The following USH2A variants were observed in gnomAD, a reference collection of about 807,000 sequenced individuals.
USH2A encodes the protein Usher syndrome 2A (autosomal recessive, mild).
USH2A carries 443 observed loss-of-function variants against 538.9 expected under a neutral mutation model. The ratio of observed to expected loss-of-function variants is 0.82; its 90% CI spans 0.76 to 0.89. The LOEUF is 0.89. Among genes scored for constraint, USH2A ranks in the 40% least tolerant of loss-of-function variants. USH2A has a pLI of 0.00. For synonymous variants in USH2A, 2,413 were observed against 2,273.5 expected, an observed-to-expected ratio of 1.06 and a Z score of -1.75; for missense variants, 6,633 against 6,324.8, an observed-to-expected ratio of 1.05 and a Z score of -1.65.
chr1:215,698,304 A>G (rs769311060), intron 61 of USH2A, among the ~76,000 whole-genome samples: 26 of 152,294 alleles, frequency 1.7e-4, no homozygotes, highest in Admixed American at 1.3e-3. Context: ...GTGTCTTTAT[A>G]CTAGAATGAT....
At chr1:215,884,751 C>T (rs1252233745) in intron 41 of USH2A, among the ~76,000 whole-genome samples, 1 of 152,134 alleles carries the variant, frequency 6.6e-6, no homozygotes, top group Non-Finnish European at 1.5e-5. Flanking sequence ...TTTTACTTTG[C>T]TTTATTATCA....
At chr1:215,740,514 T>C (rs922763672) in intron 60 of USH2A, among the ~76,000 whole-genome samples, 1 of 152,190 alleles carries the variant, frequency 6.6e-6, no homozygotes, top group Non-Finnish European at 1.5e-5. Flanking sequence ...ATCTAACCAG[T>C]GGAGTGGAGG....
intron 21 of USH2A, among the ~76,000 whole-genome samples, chr1:216,137,897 T>A (rs2033517239): frequency 6.6e-6 from 1 of 152,162 alleles, no homozygotes; most frequent in Admixed American, 6.5e-5. Flanking sequence ...AAGTTTTCAA[T>A]GTGGATGCAT....
At chr1:216,224,760 A>G (rs659875) in intron 14 of USH2A, among the ~76,000 whole-genome samples, 29,415 of 152,126 alleles carry the variant, frequency 0.19, 3,186 homozygotes, top group Non-Finnish European at 0.25. Context: ...CAAATAGAGC[A>G]TGAAGAAGGT....
chr1:216,141,355 G>A (rs2033599224), intron 21 of USH2A, among the ~76,000 whole-genome samples: 1 of 152,128 alleles, frequency 6.6e-6, no homozygotes, highest in Non-Finnish European at 1.5e-5. Context: ...GGGCTCCCTG[G>A]GGAAGGCTGG....
chr1:216,266,470 G>A (rs575339090), intron 11 of USH2A, among the ~76,000 whole-genome samples: 40 of 152,066 alleles, frequency 2.6e-4, no homozygotes, highest in African/African-American at 9.2e-4. Flanking sequence ...TTATATTATC[G>A]GTTGCCTGTA....
At chr1:216,034,631 G>A (rs1669203236) in intron 32 of USH2A, among the ~76,000 whole-genome samples, 1 of 152,084 alleles carries the variant, frequency 6.6e-6, no homozygotes, top group Non-Finnish European at 1.5e-5. Context: ...AATGATACAA[G>A]CAGAGATTGG....
At chr1:215,954,576 AG>A (rs1465361146) in intron 37 of USH2A, among the ~76,000 whole-genome samples, 2 of 62,992 alleles carry the variant, frequency 3.2e-5, no homozygotes, top group Non-Finnish European at 5.7e-5. Flanking sequence ...GGGTGGGGGG[AG>A]GGGGGAGGGA....
chr1:215,717,574 C>T lies in USH2A; in HGVS notation c.12066+10456G>A, dbSNP rs552574614. On this transcript the variant is annotated intron_variant, in intron 61 of 71. Transcript: ENST00000307340. ...TCTTATTGTTTCTCCAAATACACGA[C>T]GAGTTTCAGAGAGAAAAGACTATTT... 5.4e-4 allele frequency among the ~76,000 whole-genome samples: 82 copies of T among 152,214 alleles called. 1 individual carries two copies. The highest frequency in any genetic ancestry group is 3.4e-3 in the Middle Eastern group (1 of 294).
chr1:215,989,879 T>C (rs60844212), intron 35 of USH2A, among the ~76,000 whole-genome samples: 4,219 of 152,104 alleles, frequency 0.028, 199 homozygotes, highest in African/African-American at 0.097. Context: ...GAAAATGTAG[T>C]AAATACCCAG....
chr1:216,295,533 G>T (rs1411694321), intron 9 of USH2A, among the ~76,000 whole-genome samples: 1 of 151,710 alleles, frequency 6.6e-6, no homozygotes, highest in Non-Finnish European at 1.5e-5. Flanking sequence ...TTCTCATTTT[G>T]CATACACACT....
intron 11 of USH2A, among the ~76,000 whole-genome samples, chr1:216,280,287 A>G (rs2036748511): frequency 6.6e-6 from 1 of 152,146 alleles, no homozygotes; most frequent in Non-Finnish European, 1.5e-5. Context: ...CAGCCTGTTC[A>G]TAAGATAGAC....
intron 35 of USH2A, among the ~76,000 whole-genome samples, chr1:215,991,850 T>C (rs989530636): frequency 1.3e-5 from 2 of 152,206 alleles, no homozygotes; most frequent in Admixed American, 1.3e-4. Flanking sequence ...AAATAAATCA[T>C]TAACATTTTC....
At chr1:216,058,726 G>C (rs1406631740) in intron 30 of USH2A, among the ~76,000 whole-genome samples, 11 of 152,128 alleles carry the variant, frequency 7.2e-5, no homozygotes, top group Non-Finnish European at 1.6e-4. Context: ...AAAGACTGAG[G>C]AGACTTTAGT....
chr1:215,727,422 C>A, intron 61 of USH2A, among the ~76,000 whole-genome samples: 1 of 152,028 alleles, frequency 6.6e-6, no homozygotes, highest in East Asian at 1.9e-4. Context: ...AAATGGAAAT[C>A]AAGACTAAAT....
chr1:215,660,960 A>G (rs1250439547), intron 64 of USH2A, among the ~76,000 whole-genome samples: 2 of 152,214 alleles, frequency 1.3e-5, no homozygotes, highest in African/African-American at 4.8e-5. Flanking sequence ...AGATTGCTTC[A>G]TATATCCTGA....
intron 46 of USH2A, among the ~76,000 whole-genome samples, chr1:215,843,083 G>C (rs1002220794): frequency 2.0e-5 from 3 of 152,074 alleles, no homozygotes; most frequent in African/African-American, 7.2e-5. Context: ...GTCAGAGTAG[G>C]GGAGACTAAA....
At position 216,062,528 on chromosome 1, in the gene USH2A, A is replaced by G. The variant is rs1260380828; in HGVS notation, c.6049+7573T>C. ...AAAGGTAACTATGAATTCATTGAACACTCACTATGTGCCTGTTTCTGAGCA... is the reference window on the plus strand; with the variant it reads ...AAAGGTAACTATGAATTCATTGAACGCTCACTATGTGCCTGTTTCTGAGCA... On this transcript the variant is annotated intron_variant, in intron 30 of 71. Transcript: ENST00000307340. Among the ~76,000 whole-genome samples, 5 of 152,146 alleles carry G rather than the reference A, an allele frequency of 3.3e-5. No homozygotes were observed. In the East Asian group the frequency reaches 7.7e-4, roughly 23 times the overall value.
In USH2A at chr1:216,289,345, C is replaced by T. The variant is rs770818317; in HGVS notation, c.1906G>A (p.Asp636Asn). 1 of 1,613,992 alleles carries T rather than the reference C, an allele frequency of 6.2e-7. No homozygotes were observed. The highest frequency in any genetic ancestry group is 1.3e-5 in the African/African-American group (1 of 75,042). ...RQVGADPSAI[D>N]VCKPCDCDTV... ...TCACAGTCACAGGGTTTGCAAACATCTATGGCCGAAGGATCTGCACCAACT... is the reference window on the plus strand; with the variant it reads ...TCACAGTCACAGGGTTTGCAAACATTTATGGCCGAAGGATCTGCACCAACT... The change falls in exon 11 of 72, where the codon GAT becomes AAT. Residue 636 changes from aspartate (D) to asparagine (N), a missense_variant. Coordinates refer to ENST00000307340, the MANE Select transcript of USH2A (RefSeq NM_206933.4).
Sources: gnomAD v4.1 joint callset for allele counts (sites outside exome capture counted in the v4.1 genomes callset) on GRCh38, gnomAD v4.1.1 for gene constraint, MANE v1.5 for transcripts, NCBI Gene and HGNC (gene_info 2026-07-23, HGNC 2026-07-21) for gene names.